ASIC2: variants seen among roughly 807,000 people sequenced by gnomAD.
The protein encoded by ASIC2 is acid-sensing ion channel 2.
ASIC2 carries 25 observed loss-of-function variants against 57.3 expected under a neutral mutation model. The ratio of observed to expected loss-of-function variants is 0.44; its 90% CI spans 0.32 to 0.61. The LOEUF (loss-of-function observed/expected upper bound fraction) is 0.61. Among genes scored for constraint, ASIC2 ranks in the 20% least tolerant of loss-of-function variants. The pLI is 0.06. For synonymous variants in ASIC2, 319 were observed against 307.5 expected, an observed-to-expected ratio of 1.04 and a Z score of -0.39; for missense variants, 641 against 738.1, an observed-to-expected ratio of 0.87 and a Z score of 1.52.
At position 33,013,988 on chromosome 17, in the gene ASIC2, TC is replaced by T; in HGVS notation, c.1668del (p.Thr557ProfsTer56). The T allele has an allele frequency of 6.3e-7, 1 of 1,599,214 alleles. No individual in the cohort carries two copies. Among genetic ancestry groups the T allele is most frequent in the Non-Finnish European group, 8.5e-7 (1 of 1,172,488 alleles). On this transcript the variant is annotated frameshift_variant, in exon 10 of 10. Transcript: ENST00000225823. LOFTEE classifies it high-confidence loss of function. ...TGTCAGCAGGCAATCTCCTCCAAGG[TC>T]CCCAGGGTCGTCTGCAGGGGCACGT... is the stretch of plus-strand genomic sequence containing the variant. ...TVNVPLQTTL[G>X]TLEEIAC
intron 1 of ASIC2, among the ~76,000 whole-genome samples, chr17:33,528,440 A>C: frequency 6.6e-6 from 1 of 152,144 alleles, no homozygotes. Context: ...TACACTTATA[A>C]TAAATAAGTC....
chr17:33,321,606 TATTTTGCTTCTTCCTAGAGGGAACC>T (rs1906869299), intron 1 of ASIC2, among the ~76,000 whole-genome samples: 1 of 152,186 alleles, frequency 6.6e-6, no homozygotes, highest in African/African-American at 2.4e-5. Context: ...TTATTATTAT[TATTTTGCTTCTTCCTAGAGGGAACC>T]ATTTTGCTTC....
At chr17:33,476,577 C>A (rs969547631) in intron 1 of ASIC2, among the ~76,000 whole-genome samples, 1 of 108,968 alleles carries the variant, frequency 9.2e-6, no homozygotes, top group Non-Finnish European at 1.9e-5. Context: ...GTGTGTGTGT[C>A]AGTTCTTGGA....
chr17:33,093,623 G>C (rs2092166289), intron 2 of ASIC2, among the ~76,000 whole-genome samples: 1 of 152,164 alleles, frequency 6.6e-6, no homozygotes. Context: ...CAGTCTCCCA[G>C]CATTTTCCAA....
chr17:33,818,720 G>A (rs1335464388), intron 1 of ASIC2, among the ~76,000 whole-genome samples: 1 of 152,182 alleles, frequency 6.6e-6, no homozygotes, highest in Non-Finnish European at 1.5e-5. Context: ...CTGAGATTGA[G>A]AAACCCTAGA....
intron 1 of ASIC2, among the ~76,000 whole-genome samples, chr17:33,256,320 G>A (rs1269275306): frequency 6.6e-6 from 1 of 151,998 alleles, no homozygotes; most frequent in African/African-American, 2.4e-5. Context: ...AAAAGATACA[G>A]AACAAAATGT....
intron 3 of ASIC2, among the ~76,000 whole-genome samples, chr17:33,078,757 G>A (rs2092099884): frequency 6.6e-6 from 1 of 152,182 alleles, no homozygotes; most frequent in African/African-American, 2.4e-5. Context: ...TGATTGATTG[G>A]TTGATTGATT....
intron 1 of ASIC2, among the ~76,000 whole-genome samples, chr17:33,148,820 G>T (rs1003109309): frequency 5.9e-5 from 9 of 152,184 alleles, no homozygotes; most frequent in African/African-American, 1.9e-4. Flanking sequence ...GAGGCCAGGT[G>T]CGCTGGCTCA....
intron 1 of ASIC2, among the ~76,000 whole-genome samples, chr17:33,348,928 T>C (rs1185943146): frequency 1.3e-5 from 2 of 152,182 alleles, no homozygotes; most frequent in Admixed American, 6.5e-5. Flanking sequence ...GTGGGAAACC[T>C]GATCGGTGCT....
intron 1 of ASIC2, among the ~76,000 whole-genome samples, chr17:33,687,990 T>C (rs924870065): frequency 1.3e-5 from 2 of 152,162 alleles, no homozygotes; most frequent in African/African-American, 2.4e-5. Flanking sequence ...AGATTAATCA[T>C]AGCATTTTTC....
At chr17:33,664,968 C>A (rs1480862251) in intron 1 of ASIC2, among the ~76,000 whole-genome samples, 1 of 152,114 alleles carries the variant, frequency 6.6e-6, no homozygotes, top group African/African-American at 2.4e-5. Flanking sequence ...CAAAAAGCTG[C>A]AATTGTTAAA....
At chr17:33,897,227 C>T (rs765110669) in intron 1 of ASIC2, among the ~76,000 whole-genome samples, 2 of 152,216 alleles carry the variant, frequency 1.3e-5, no homozygotes, top group Non-Finnish European at 2.9e-5. Context: ...GAGACTCACT[C>T]AGAGACCACT....
At chr17:33,184,241 A>G (rs1045365916) in intron 1 of ASIC2, among the ~76,000 whole-genome samples, 1 of 152,170 alleles carries the variant, frequency 6.6e-6, no homozygotes, top group Non-Finnish European at 1.5e-5. Flanking sequence ...TGCAAGCTCA[A>G]TACCTCATCA....
In ASIC2 at chr17:33,637,826, C is replaced by T. The variant is rs575161959; in HGVS notation, c.555+518152G>A. Among the ~76,000 whole-genome samples, 58 of 152,280 alleles carry T rather than the reference C, an allele frequency of 3.8e-4. 1 individual carries two copies. Among genetic ancestry groups the T allele is most frequent in the Admixed American group, 3.3e-3 (50 of 15,300 alleles). The stretch of plus-strand genomic sequence containing the variant: ...AAGAGTTTAATTGAAAGGAGGTCAG[C>T]CAGGTGGAAGAATTGTAGTTATCAC... On this transcript the variant is annotated intron_variant, in intron 1 of 9. Transcript: ENST00000359872.
chr17:34,019,946 G>C (rs972462792), intron 1 of ASIC2, among the ~76,000 whole-genome samples: 2 of 152,126 alleles, frequency 1.3e-5, no homozygotes, highest in African/African-American at 4.8e-5. Context: ...TTTATGGTAT[G>C]ATCTCCAGGT....
In ASIC2 at chr17:33,480,226, G is replaced by A. The variant is rs1005799479; in HGVS notation, c.556-368159C>T. Among the ~76,000 whole-genome samples the A allele has an allele frequency of 5.9e-5, 9 of 152,302 alleles. No individual in the cohort carries two copies. The Middle Eastern group carries it at 0.014, about 230-fold the overall frequency. ...CAAAAGTGTCATGGTTCCTGCCCAC[G>A]TGGGGTTTCCTTTCTCATGGGGGAG... On this transcript the variant is annotated intron_variant, in intron 1 of 9. Transcript: ENST00000359872.
At chr17:33,855,634 G>A (rs903619405) in intron 1 of ASIC2, among the ~76,000 whole-genome samples, 3 of 152,122 alleles carry the variant, frequency 2.0e-5, no homozygotes, top group Non-Finnish European at 4.4e-5. Flanking sequence ...TGATGATGCT[G>A]ATGATGGGGA....
intron 1 of ASIC2, among the ~76,000 whole-genome samples, chr17:33,179,680 T>C (rs911445562): frequency 6.6e-6 from 1 of 152,192 alleles, no homozygotes; most frequent in African/African-American, 2.4e-5. Context: ...ATTTTACAGA[T>C]GAAGAGTCTG....
Position 34,016,568 on chromosome 17 carries a change from G to A in ASIC2, c.555+139410C>T, listed in dbSNP as rs577529654. Among the ~76,000 whole-genome samples the A allele has an allele frequency of 7.6e-4, 115 of 152,194 alleles. 2 individuals carry two copies. In the South Asian group the frequency reaches 0.022, roughly 30 times the overall value. On this transcript the variant is annotated intron_variant, in intron 1 of 9. Transcript: ENST00000359872. ...AGTGAAAATAAAACCCCACCAAAGT[G>A]CAAAACAGTATATTTAATACAGTTG...
Sources: allele counts gnomAD v4.1 joint callset (sites outside exome capture counted in the v4.1 genomes callset), GRCh38; gene constraint gnomAD v4.1.1; transcripts MANE v1.5; gene names NCBI Gene and HGNC (gene_info 2026-07-23, HGNC 2026-07-21).